SLC24A4: variants seen among roughly 807,000 people sequenced by gnomAD.
SLC24A4 encodes the protein solute carrier family 24 member 4, also known as sodium/potassium/calcium exchanger 4.
Under a neutral mutation model 79.0 loss-of-function variants are expected in SLC24A4, and 53 were observed. The ratio of observed to expected loss-of-function variants is 0.67; its 90% confidence interval spans 0.54 to 0.84. The LOEUF is 0.84. Among genes scored for constraint, SLC24A4 ranks in the 40% least tolerant of loss-of-function variants. The pLI is 0.00. For synonymous variants in SLC24A4, 323 were observed against 323.8 expected (o/e 1.00, Z 0.03); for missense variants, 731 against 822.0 (o/e 0.89, Z 1.35).
intron 12 of SLC24A4, among the ~76,000 whole-genome samples, chr14:92,460,820 C>A (rs558182235): frequency 1.3e-5 from 2 of 152,312 alleles, no homozygotes; most frequent in South Asian, 4.1e-4. Flanking sequence ...CTCGCTGACC[C>A]CAGATGACGG....
chr14:92,393,570 G>A (rs1410246034), intron 2 of SLC24A4, among the ~76,000 whole-genome samples: 1 of 111,312 alleles, frequency 9.0e-6, no homozygotes, highest in African/African-American at 3.5e-5. Flanking sequence ...TTTTTTTACG[G>A]AGTCTCGCTC....
At chr14:92,326,074 G>A (rs2141586098) in intron 2 of SLC24A4, 96 bp downstream of exon 2, 3 of 819,594 alleles carry the variant, frequency 3.7e-6, no homozygotes, top group East Asian at 5.4e-5. Flanking sequence ...AGCTGAGAAA[G>A]GTGGTTTATG....
intron 7 of SLC24A4, among the ~76,000 whole-genome samples, chr14:92,444,631 G>A (rs1202085904): frequency 6.6e-6 from 1 of 152,186 alleles, no homozygotes; most frequent in East Asian, 1.9e-4. Context: ...GAGGCGGGCT[G>A]ATCACTTGAG....
intron 2 of SLC24A4, among the ~76,000 whole-genome samples, chr14:92,354,996 C>G (rs1887095386): frequency 6.6e-6 from 1 of 152,164 alleles, no homozygotes; most frequent in Non-Finnish European, 1.5e-5. Context: ...ATCGCTTGAA[C>G]CCAGGAGGCA....
intron 2 of SLC24A4, among the ~76,000 whole-genome samples, chr14:92,365,821 G>C (rs945887933): frequency 6.6e-6 from 1 of 152,224 alleles, no homozygotes; most frequent in Non-Finnish European, 1.5e-5. Flanking sequence ...CAGAGAGTGA[G>C]AGAGTAATGT....
At chr14:92,399,803 T>C (rs907617717) in intron 2 of SLC24A4, among the ~76,000 whole-genome samples, 2 of 151,904 alleles carry the variant, frequency 1.3e-5, no homozygotes, top group African/African-American at 4.8e-5. Flanking sequence ...GAGAAGAGAG[T>C]TGAATATGAC....
chr14:92,487,652 G>A (rs1452797672), intron 14 of SLC24A4, among the ~76,000 whole-genome samples: 1 of 152,202 alleles, frequency 6.6e-6, no homozygotes, highest in Non-Finnish European at 1.5e-5. Flanking sequence ...AGCTGAGGGA[G>A]GAATGGAATT....
At position 92,330,418 on chromosome 14, in the gene SLC24A4, A is replaced by T. The variant is rs1418840269; in HGVS notation, c.241+4440A>T. Reference sequence around the variant, plus strand: ...ATTTATAATTAATTTTTCCCTAGAGATCTGAAGGCAAAACATGGGCCTCTA... The same window carrying T: ...ATTTATAATTAATTTTTCCCTAGAGTTCTGAAGGCAAAACATGGGCCTCTA... On this transcript the variant is annotated intron_variant, in intron 2 of 16. Coordinates refer to ENST00000532405, the MANE Select transcript of SLC24A4 (RefSeq NM_153646.4). Among the ~76,000 whole-genome samples the T allele has an allele frequency of 3.9e-5, 6 of 152,312 alleles. No individual in the cohort carries two copies. The East Asian group carries it at 1.2e-3, about 29-fold the overall frequency.
chr14:92,460,539 TACCAG>T (rs1281522233), intron 12 of SLC24A4, among the ~76,000 whole-genome samples: 2 of 152,284 alleles, frequency 1.3e-5, no homozygotes, highest in East Asian at 1.9e-4. Flanking sequence ...AATTATCGTG[TACCAG>T]GCACCTGTTA....
At chr14:92,457,982 C>T (rs952096541) in intron 12 of SLC24A4, among the ~76,000 whole-genome samples, 6 of 152,180 alleles carry the variant, frequency 3.9e-5, no homozygotes, top group South Asian at 2.1e-4. Flanking sequence ...TTCATGCTTC[C>T]GCATGAAGAT....
chr14:92,454,968 A>G (rs1893372615), intron 11 of SLC24A4, among the ~76,000 whole-genome samples: 1 of 152,186 alleles, frequency 6.6e-6, no homozygotes, highest in Non-Finnish European at 1.5e-5. Context: ...GGGTTGAATA[A>G]CTTTTAAGGA....
At chr14:92,379,986 G>A (rs1177954622) in intron 2 of SLC24A4, among the ~76,000 whole-genome samples, 1 of 152,142 alleles carries the variant, frequency 6.6e-6, no homozygotes, top group South Asian at 2.1e-4. Flanking sequence ...TATCATTGGG[G>A]TACTGGGGTA....
chr14:92,417,383 A>G (rs2141810745), intron 2 of SLC24A4, among the ~76,000 whole-genome samples: 1 of 152,356 alleles, frequency 6.6e-6, no homozygotes, highest in East Asian at 1.9e-4. Flanking sequence ...AGAACATAAA[A>G]TATTTTTGCA....
At chr14:92,492,869 A>G in intron 16 of SLC24A4, 1 of 455,796 alleles carries the variant, frequency 2.2e-6, no homozygotes, top group South Asian at 1.6e-5. Flanking sequence ...GGAAGCCTTG[A>G]TCGAGGGACA....
chr14:92,415,802 A>G (rs1890951651), intron 2 of SLC24A4, among the ~76,000 whole-genome samples: 2 of 151,930 alleles, frequency 1.3e-5, no homozygotes, highest in Admixed American at 1.3e-4. Flanking sequence ...GTTTTGGGGA[A>G]CAGGTGGTAT....
chr14:92,368,409 T>C (rs906128792), intron 2 of SLC24A4, among the ~76,000 whole-genome samples: 4 of 152,290 alleles, frequency 2.6e-5, no homozygotes, highest in East Asian at 1.9e-4. Flanking sequence ...TTTTTTTTCC[T>C]ATCAGTCTTT....
intron 2 of SLC24A4, among the ~76,000 whole-genome samples, chr14:92,358,965 T>C (rs111954685): frequency 0.033 from 5,024 of 152,024 alleles, 121 homozygotes; most frequent in African/African-American, 0.073. Flanking sequence ...GGATTACAGG[T>C]GTGAGCCACC....
intron 2 of SLC24A4, among the ~76,000 whole-genome samples, chr14:92,405,038 C>T (rs1890303980): frequency 6.6e-6 from 1 of 151,912 alleles, no homozygotes; most frequent in South Asian, 2.1e-4. Context: ...ATATCTGCCT[C>T]CCTGAAAAGA....
At chr14:92,328,877 C>T (rs930245004) in intron 2 of SLC24A4, among the ~76,000 whole-genome samples, 2 of 152,218 alleles carry the variant, frequency 1.3e-5, no homozygotes, top group Non-Finnish European at 2.9e-5. Flanking sequence ...CAGAACTCTA[C>T]CTGGGAATCG....
Sources: gnomAD v4.1 joint callset for allele counts (sites outside exome capture counted in the v4.1 genomes callset) on GRCh38, gnomAD v4.1.1 for gene constraint, MANE v1.5 for transcripts, NCBI Gene and HGNC (gene_info 2026-07-23, HGNC 2026-07-21) for gene names.